LRP1B: variants seen among roughly 807,000 people sequenced by gnomAD.
LRP1B encodes the protein low-density lipoprotein receptor-related protein 1B.
Under a neutral mutation model 556.6 loss-of-function variants are expected in LRP1B, and 217 were observed. That is an observed-to-expected ratio of 0.39 (90% CI 0.35 to 0.44). The LOEUF is 0.44. LRP1B is among the 20% of genes least tolerant of loss of function. The probability of loss-of-function intolerance (pLI) is 1.00; values close to 1 mark genes in which losing one functional copy is unlikely to be tolerated. For missense variants in LRP1B, 5,053 were observed against 5,620.8 expected, an observed-to-expected ratio of 0.90 and a Z score of 3.23; for synonymous variants, 2,047 against 1,865.8, an observed-to-expected ratio of 1.10 and a Z score of -2.50.
intron 86 of LRP1B, among the ~76,000 whole-genome samples, chr2:140,260,414 G>A (rs567630467): frequency 1.3e-5 from 2 of 151,912 alleles, no homozygotes; most frequent in Admixed American, 1.3e-4. Context: ...AATAAGAGAT[G>A]TCATTGTTAC....
chr2:140,853,479 A>T (rs1199695293), intron 27 of LRP1B, among the ~76,000 whole-genome samples: 2 of 152,172 alleles, frequency 1.3e-5, no homozygotes, highest in African/African-American at 4.8e-5. Context: ...TGAGATGGGT[A>T]GAGAAAAGGT....
At chr2:140,814,966 C>A (rs1345658256) in intron 31 of LRP1B, among the ~76,000 whole-genome samples, 1 of 152,090 alleles carries the variant, frequency 6.6e-6, no homozygotes, top group East Asian at 1.9e-4. Context: ...GCATGCTCAG[C>A]AGAATCAGTA....
chr2:142,023,337 T>C (rs1182908393), intron 1 of LRP1B, among the ~76,000 whole-genome samples: 2 of 152,212 alleles, frequency 1.3e-5, no homozygotes, highest in Non-Finnish European at 2.9e-5. Flanking sequence ...TATCCGCGTA[T>C]TCATTTCAAT....
chr2:141,575,266 T>C (rs1686693828), intron 2 of LRP1B, among the ~76,000 whole-genome samples: 2 of 152,030 alleles, frequency 1.3e-5, no homozygotes, highest in Non-Finnish European at 2.9e-5. Context: ...AACAGACATA[T>C]AGACCAATGG....
intron 41 of LRP1B, among the ~76,000 whole-genome samples, chr2:140,613,352 A>AATATAAATATAT (rs1428449906): frequency 1.1e-5 from 1 of 88,854 alleles, no homozygotes; most frequent in Non-Finnish European, 2.6e-5. Context: ...TATAAATATA[A>AATATAAATATAT]ATAATTATAT....
chr2:140,663,930 G>C (rs1449288085), intron 41 of LRP1B, among the ~76,000 whole-genome samples: 1 of 152,070 alleles, frequency 6.6e-6, no homozygotes, highest in East Asian at 1.9e-4. Context: ...GACTGCTGTA[G>C]GTTATTAACT....
intron 10 of LRP1B, among the ~76,000 whole-genome samples, chr2:141,054,058 T>C (rs1699113216): frequency 6.6e-6 from 1 of 151,992 alleles, no homozygotes; most frequent in Non-Finnish European, 1.5e-5. Flanking sequence ...GTAAACAAAG[T>C]ACAAAAATGC....
chr2:140,924,058 T>C (rs1037842304), intron 20 of LRP1B, among the ~76,000 whole-genome samples: 1 of 151,964 alleles, frequency 6.6e-6, no homozygotes, highest in Non-Finnish European at 1.5e-5. Flanking sequence ...TGTAACAAAT[T>C]TATTGTGTAT....
At chr2:141,242,614 C>G (rs1334931787) in intron 5 of LRP1B, among the ~76,000 whole-genome samples, 1 of 152,048 alleles carries the variant, frequency 6.6e-6, no homozygotes, top group Non-Finnish European at 1.5e-5. Flanking sequence ...TTTTAATAGG[C>G]TCTCTACTCT....
intron 9 of LRP1B, among the ~76,000 whole-genome samples, chr2:141,055,996 T>C (rs1352059259): frequency 1.3e-5 from 2 of 151,852 alleles, no homozygotes; most frequent in Non-Finnish European, 2.9e-5. Context: ...ATAATAGGAA[T>C]AATATAAGTA....
At chr2:141,545,774 T>C (rs1685528321) in intron 2 of LRP1B, among the ~76,000 whole-genome samples, 2 of 152,194 alleles carry the variant, frequency 1.3e-5, no homozygotes, top group Middle Eastern at 3.4e-3. Flanking sequence ...AGATGTGGCA[T>C]TGATGACTTT....
At chr2:141,460,721 G>A (rs1010290508) in intron 3 of LRP1B, among the ~76,000 whole-genome samples, 3 of 152,108 alleles carry the variant, frequency 2.0e-5, no homozygotes, top group African/African-American at 7.2e-5. Context: ...AGTAGCAGTT[G>A]GGCTAGTGAA....
intron 3 of LRP1B, among the ~76,000 whole-genome samples, chr2:141,477,149 A>C (rs1256949701): frequency 1.7e-5 from 2 of 120,328 alleles, no homozygotes; most frequent in African/African-American, 5.7e-5. Flanking sequence ...AACAAAAAAA[A>C]CCCCAAAAAA....
intron 41 of LRP1B, among the ~76,000 whole-genome samples, chr2:140,623,827 G>C (rs929786591): frequency 6.6e-6 from 1 of 151,664 alleles, no homozygotes; most frequent in African/African-American, 2.4e-5. Context: ...GCTGAGGCAG[G>C]AGAATCGCTT....
intron 3 of LRP1B, among the ~76,000 whole-genome samples, chr2:141,433,383 G>C (rs866402462): frequency 6.6e-5 from 10 of 152,028 alleles, no homozygotes; most frequent in African/African-American, 2.4e-4. Flanking sequence ...GTTGGTTGAA[G>C]TGTTCTATAG....
At chr2:141,903,637 C>A (rs935386932) in intron 1 of LRP1B, among the ~76,000 whole-genome samples, 12 of 151,750 alleles carry the variant, frequency 7.9e-5, no homozygotes, top group African/African-American at 2.9e-4. Context: ...GTCGGTCAAG[C>A]AATTAAATTT....
intron 2 of LRP1B, among the ~76,000 whole-genome samples, chr2:141,696,120 C>A (rs1691727169): frequency 6.6e-6 from 1 of 151,904 alleles, no homozygotes; most frequent in Admixed American, 6.6e-5. Flanking sequence ...GTTCTAGATA[C>A]AACTTCACTA....
In LRP1B at chr2:141,471,268, A is replaced by ATGTTTTTTTTTTTTTTTTTTTTTT. The variant is rs1553518973; in HGVS notation, c.343+9127_343+9128insAAAAAAAAAAAAAAAAAAAAAACA. 9.4e-5 allele frequency among the ~76,000 whole-genome samples: 3 copies of ATGTTTTTTTTTTTTTTTTTTTTTT among 31,902 alleles called. 1 individual carries two copies. The highest frequency in any genetic ancestry group is 2.2e-4 in the African/African-American group (3 of 13,714). The allele number at this position is 31,902 out of a possible 152,430, so 20.9% of individuals were successfully genotyped here. ...AATACTATTGAGAATATACCCTGGT[A>ATGTTTTTTTTTTTTTTTTTTTTTT]TTTTTTTTTTTTTTTTTTTTTTTTT... On this transcript the variant is annotated intron_variant, in intron 3 of 90. Coordinates refer to ENST00000389484, the MANE Select transcript of LRP1B (RefSeq NM_018557.3).
At chr2:141,482,134 CAAATA>C (rs2105093344) in intron 2 of LRP1B, among the ~76,000 whole-genome samples, 1 of 151,848 alleles carries the variant, frequency 6.6e-6, no homozygotes, top group South Asian at 2.1e-4. Context: ...AATTAGAAAA[CAAATA>C]AAAGAAAACA....
Sources: gnomAD v4.1 joint callset for allele counts (sites outside exome capture counted in the v4.1 genomes callset) on GRCh38, gnomAD v4.1.1 for gene constraint, MANE v1.5 for transcripts, NCBI Gene and HGNC (gene_info 2026-07-23, HGNC 2026-07-21) for gene names.